The following CPNE4 variants were observed in gnomAD, a reference collection of about 807,000 sequenced individuals.
The protein encoded by CPNE4 is copine-4.
A neutral mutation model predicts 67.9 loss-of-function variants in CPNE4; 25 were observed. That is an observed-to-expected ratio of 0.37 (90% CI 0.27 to 0.51). The LOEUF is 0.51. Ranked by LOEUF, CPNE4 falls within the 20% of genes least tolerant of loss-of-function variation. CPNE4 has a pLI of 0.93. For synonymous variants in CPNE4, 242 were observed against 244.9 expected (o/e 0.99, Z 0.11); for missense variants, 464 against 690.8 (o/e 0.67, Z 3.68).
intron 1 of CPNE4, among the ~76,000 whole-genome samples, chr3:131,919,668 G>A (rs2070687830): frequency 6.6e-6 from 1 of 152,140 alleles, no homozygotes. Context: ...CTGTATGTTT[G>A]TTGTACTCAG....
At chr3:131,728,488 C>A (rs925277628) in intron 2 of CPNE4, among the ~76,000 whole-genome samples, 1 of 152,104 alleles carries the variant, frequency 6.6e-6, no homozygotes, top group African/African-American at 2.4e-5. Context: ...ATCATCCAGA[C>A]GACAAACATA....
At chr3:131,803,677 TG>T (rs1167404321) in intron 2 of CPNE4, among the ~76,000 whole-genome samples, 6 of 152,230 alleles carry the variant, frequency 3.9e-5, no homozygotes, top group African/African-American at 1.4e-4. Context: ...TCTCTGCCCT[TG>T]TGAAGCTCAT....
intron 2 of CPNE4, among the ~76,000 whole-genome samples, chr3:131,878,169 G>C (rs750509302): frequency 1.3e-5 from 2 of 152,116 alleles, no homozygotes; most frequent in African/African-American, 2.4e-5. Flanking sequence ...TGATCTACAA[G>C]AATGTTTATA....
chr3:131,607,889 TA>T (rs912452316), intron 7 of CPNE4, among the ~76,000 whole-genome samples: 12 of 152,176 alleles, frequency 7.9e-5, no homozygotes, highest in African/African-American at 2.2e-4. Flanking sequence ...GCACAAAATT[TA>T]AGGAAGCAGT....
chr3:131,965,799 A>G (rs1352210968), intron 1 of CPNE4, among the ~76,000 whole-genome samples: 1 of 152,216 alleles, frequency 6.6e-6, no homozygotes, highest in Non-Finnish European at 1.5e-5. Flanking sequence ...CCCCACTGTC[A>G]CTATTAGACA....
intron 1 of CPNE4, among the ~76,000 whole-genome samples, chr3:131,945,354 G>A (rs2071521795): frequency 6.6e-6 from 1 of 152,122 alleles, no homozygotes; most frequent in Admixed American, 6.5e-5. Flanking sequence ...GAACCTATTG[G>A]CAAAAGTGTA....
intron 7 of CPNE4, among the ~76,000 whole-genome samples, chr3:131,640,242 T>C (rs1262441921): frequency 3.9e-5 from 6 of 152,144 alleles, no homozygotes; most frequent in Non-Finnish European, 7.4e-5. Context: ...GATGATATGA[T>C]TGTATACCTA....
chr3:131,632,657 G>C (rs189896883), intron 7 of CPNE4, among the ~76,000 whole-genome samples: 1 of 151,936 alleles, frequency 6.6e-6, no homozygotes, highest in Admixed American at 6.6e-5. Flanking sequence ...AGTATTACTA[G>C]ACACACACCT....
chr3:131,709,004 A>T (rs2081493458), intron 3 of CPNE4, among the ~76,000 whole-genome samples: 1 of 110,162 alleles, frequency 9.1e-6, no homozygotes, highest in Non-Finnish European at 1.9e-5. Context: ...ATACATACAC[A>T]CATAATAATA....
At chr3:131,721,098 A>G (rs1364100974) in intron 3 of CPNE4, among the ~76,000 whole-genome samples, 1 of 152,140 alleles carries the variant, frequency 6.6e-6, no homozygotes, top group Non-Finnish European at 1.5e-5. Flanking sequence ...AAAGCTTATG[A>G]TAATCGCCAT....
chr3:131,889,053 T>C (rs140915777), intron 2 of CPNE4, among the ~76,000 whole-genome samples: 1 of 152,300 alleles, frequency 6.6e-6, no homozygotes, highest in East Asian at 1.9e-4. Flanking sequence ...ACATGCATTA[T>C]CTCCCTTTAA....
chr3:131,549,698 C>T (rs1185450020), intron 14 of CPNE4, among the ~76,000 whole-genome samples: 1 of 152,086 alleles, frequency 6.6e-6, no homozygotes, highest in Non-Finnish European at 1.5e-5. Context: ...TGAGTTTCTC[C>T]TGTGTTCAGA....
chr3:131,593,647 T>C (rs1938667708), intron 7 of CPNE4, among the ~76,000 whole-genome samples: 1 of 152,158 alleles, frequency 6.6e-6, no homozygotes, highest in Non-Finnish European at 1.5e-5. Flanking sequence ...TTCTGATTTG[T>C]TTGCCTTTTA....
intron 1 of CPNE4, among the ~76,000 whole-genome samples, chr3:132,020,973 T>C (rs1016934865): frequency 6.6e-6 from 1 of 152,224 alleles, no homozygotes; most frequent in Non-Finnish European, 1.5e-5. Flanking sequence ...ATCCCCTTTT[T>C]TCTCTCCAGG....
At chr3:131,977,932 T>C (rs2107628546) in intron 1 of CPNE4, among the ~76,000 whole-genome samples, 1 of 150,126 alleles carries the variant, frequency 6.7e-6, no homozygotes, top group Admixed American at 6.8e-5. Context: ...ACATACGATG[T>C]TTGGTTTTCC....
chr3:131,608,540 G>T (rs1939641239), intron 7 of CPNE4, among the ~76,000 whole-genome samples: 1 of 152,100 alleles, frequency 6.6e-6, no homozygotes, highest in African/African-American at 2.4e-5. Context: ...GTGTGCCTGG[G>T]GCACTGCACA....
chr3:131,959,582 C>T (rs1317421678), intron 1 of CPNE4, among the ~76,000 whole-genome samples: 1 of 152,070 alleles, frequency 6.6e-6, no homozygotes, highest in Non-Finnish European at 1.5e-5. Context: ...GTCGAAAACA[C>T]CATCACATTG....
chr3:131,731,881 G>A (rs1234767931), intron 2 of CPNE4, among the ~76,000 whole-genome samples: 1 of 152,146 alleles, frequency 6.6e-6, no homozygotes, highest in Non-Finnish European at 1.5e-5. Flanking sequence ...AGATTCCCAG[G>A]TGATGTCAAC....
intron 1 of CPNE4, among the ~76,000 whole-genome samples, chr3:131,907,694 A>G (rs866716516): frequency 6.6e-6 from 1 of 152,126 alleles, no homozygotes; most frequent in Non-Finnish European, 1.5e-5. Flanking sequence ...TGCTTTCACT[A>G]CAATGGCAGA....
Sources: gnomAD v4.1 joint callset for allele counts (sites outside exome capture counted in the v4.1 genomes callset) on GRCh38, gnomAD v4.1.1 for gene constraint, MANE v1.5 for transcripts, NCBI Gene and HGNC (gene_info 2026-07-23, HGNC 2026-07-21) for gene names.